DENND1A: variants seen among roughly 807,000 people sequenced by gnomAD.
DENND1A encodes the protein DENN domain-containing protein 1A.
A neutral mutation model predicts 113.7 loss-of-function variants in DENND1A; 51 were observed. The observed-to-expected ratio is 0.45, with a 90% CI of 0.36 to 0.57. The LOEUF (loss-of-function observed/expected upper bound fraction) is 0.57. Ranked by LOEUF, DENND1A falls within the 20% of genes least tolerant of loss-of-function variation. The pLI, the probability that DENND1A is intolerant of heterozygous loss-of-function variation, is 0.00. For synonymous variants in DENND1A, 565 were observed against 570.8 expected (o/e 0.99, Z 0.14); for missense variants, 1,258 against 1,395.9 (o/e 0.90, Z 1.57).
chr9:123,535,820 AT>A (rs1415974017), intron 13 of DENND1A, among the ~76,000 whole-genome samples: 6 of 151,948 alleles, frequency 3.9e-5, no homozygotes, highest in Non-Finnish European at 7.4e-5. Context: ...ATCTTCTTTT[AT>A]TTTTTGTTCA....
At chr9:123,773,434 T>C (rs1216683485) in intron 3 of DENND1A, among the ~76,000 whole-genome samples, 1 of 152,204 alleles carries the variant, frequency 6.6e-6, no homozygotes, top group Non-Finnish European at 1.5e-5. Flanking sequence ...CTGGAGAAAT[T>C]AGATTACATT....
In DENND1A at chr9:123,422,038, C is replaced by T. The variant is rs1157707980; in HGVS notation, c.1489-10209G>A. 6.6e-6 allele frequency among the ~76,000 whole-genome samples: 1 copy of T among 152,204 alleles called. No individual in the cohort carries two copies. Among genetic ancestry groups the T allele is most frequent in the Non-Finnish European group, 1.5e-5 (1 of 68,044 alleles). On this transcript the variant is annotated intron_variant, in intron 19 of 23. Transcript: ENST00000394215. This position sits in a 1 kb window ranked among gnomAD's most constrained non-coding sequence, Gnocchi z 4.8. ...TCCCTCACGACTCTGTTCCCTTCCCCCAGAAGTTCTCTCTCTATTCCTGGC... is the reference window on the plus strand; with the variant it reads ...TCCCTCACGACTCTGTTCCCTTCCCTCAGAAGTTCTCTCTCTATTCCTGGC...
At chr9:123,889,213 T>C (rs974869760) in intron 1 of DENND1A, among the ~76,000 whole-genome samples, 4 of 152,160 alleles carry the variant, frequency 2.6e-5, no homozygotes, top group Admixed American at 1.3e-4. Flanking sequence ...GTAGATCCCT[T>C]ACTTGTTATG....
rs560105251 is a variant in DENND1A, at chr9:123,841,469, T to A, written c.88+37482A>T. The stretch of plus-strand genomic sequence containing the variant: ...ATAAATATTCACTAAATCTTCTTAA[T>A]ATTGAGATCTGGTCATACAGTGGTG... On this transcript the variant is annotated intron_variant, in intron 2 of 23. Transcript: ENST00000394215. Among the ~76,000 whole-genome samples the A allele has an allele frequency of 3.9e-5, 6 of 152,326 alleles. No individual in the cohort carries two copies. The South Asian group carries it at 1.2e-3, about 32-fold the overall frequency.
At chr9:123,782,365 C>T (rs1831453893) in intron 3 of DENND1A, among the ~76,000 whole-genome samples, 1 of 152,206 alleles carries the variant, frequency 6.6e-6, no homozygotes, top group African/African-American at 2.4e-5. Flanking sequence ...ATAAACACAT[C>T]TGGTTAAGCC....
chr9:123,714,475 G>A (rs1009566476), intron 5 of DENND1A, among the ~76,000 whole-genome samples: 7 of 152,080 alleles, frequency 4.6e-5, no homozygotes, highest in East Asian at 1.9e-4. Flanking sequence ...GGTGGTGCAT[G>A]CCTGTAATCC....
intron 9 of DENND1A, among the ~76,000 whole-genome samples, chr9:123,643,626 C>T (rs1050535628): frequency 1.3e-5 from 2 of 152,242 alleles, no homozygotes; most frequent in African/African-American, 4.8e-5. Context: ...CAGTGAGTTA[C>T]AGAAGATACG....
chr9:123,671,223 G>T lies in DENND1A; in HGVS notation c.453+68C>A, dbSNP rs1271541223. The T allele has an allele frequency of 3.2e-6, 5 of 1,577,422 alleles. No individual in the cohort carries two copies. In the South Asian group the frequency reaches 4.4e-5, roughly 14 times the overall value. ...GGCTGACAAAATACAATCCTGTTCA[G>T]CTAGCTCCCTCTTACTGTCAATAAT... On this transcript the variant is annotated intron_variant, in intron 7 of 23. Coordinates refer to ENST00000394215, the MANE Select transcript of DENND1A (RefSeq NM_001352964.2).
At chr9:123,424,763 G>A (rs992288020) in intron 19 of DENND1A, among the ~76,000 whole-genome samples, 1 of 152,220 alleles carries the variant, frequency 6.6e-6, no homozygotes, top group African/African-American at 2.4e-5. Context: ...TCAGCTATCT[G>A]GGGATCATCA....
At chr9:123,457,760 G>A in intron 14 of DENND1A, 33 bp downstream of exon 14, 1 of 1,567,540 alleles carries the variant, frequency 6.4e-7, no homozygotes, top group Non-Finnish European at 8.7e-7. Context: ...CCGCCAGGGA[G>A]CCAGACCCAG....
chr9:123,563,236 T>C lies in DENND1A; in HGVS notation c.868-5541A>G, dbSNP rs770257034. ...CTTATACAACCACAAACTTACCACA[T>C]CCAGTAACACACACAGTATTGCCCC... is the stretch of plus-strand genomic sequence containing the variant. On this transcript the variant is annotated intron_variant, in intron 12 of 23. Coordinates refer to ENST00000394215, the MANE Select transcript of DENND1A (RefSeq NM_001352964.2). 1.3e-5 allele frequency among the ~76,000 whole-genome samples: 2 copies of C among 152,208 alleles called. 1 individual carries two copies. The highest frequency in any genetic ancestry group is 4.1e-4 in the South Asian group (2 of 4,824).
chr9:123,765,885 A>G (rs191160755), intron 4 of DENND1A, among the ~76,000 whole-genome samples: 1 of 152,226 alleles, frequency 6.6e-6, no homozygotes, highest in Non-Finnish European at 1.5e-5. Context: ...TTAGGAATAG[A>G]GTACCAGTGC....
chr9:123,925,894 T>C (rs1323352544), intron 1 of DENND1A, among the ~76,000 whole-genome samples: 1 of 152,196 alleles, frequency 6.6e-6, no homozygotes. Context: ...AATGTCACGT[T>C]TCTTCAAACT....
chr9:123,559,421 T>C (rs898938489), intron 12 of DENND1A, among the ~76,000 whole-genome samples: 8 of 152,178 alleles, frequency 5.3e-5, no homozygotes, highest in Admixed American at 5.2e-4. Context: ...GAAAATTAGA[T>C]TTAGGTGGTC....
chr9:123,395,468 C>CTCTCTCTCTGTGTGTGTGTGTGTG (rs367751848), intron 21 of DENND1A, among the ~76,000 whole-genome samples: 112 of 142,980 alleles, frequency 7.8e-4, no homozygotes, highest in African/African-American at 3.0e-3. Flanking sequence ...CTCTCTCTCT[C>CTCTCTCTCTGTGTGTGTGTGTGTG]TGTGTGTGTG....
intron 9 of DENND1A, among the ~76,000 whole-genome samples, chr9:123,640,685 G>A (rs2061982922): frequency 6.6e-6 from 1 of 152,240 alleles, no homozygotes; most frequent in African/African-American, 2.4e-5. Flanking sequence ...AGTGAATAGT[G>A]CGCCCAGTGC....
intron 5 of DENND1A, among the ~76,000 whole-genome samples, chr9:123,688,298 T>TAA (rs2064947482): frequency 6.6e-6 from 1 of 152,226 alleles, no homozygotes; most frequent in Non-Finnish European, 1.5e-5. Flanking sequence ...ATGGTTTCAG[T>TAA]AAAGTGTATG....
intron 13 of DENND1A, among the ~76,000 whole-genome samples, chr9:123,527,104 T>G (rs1241002937): frequency 6.6e-6 from 1 of 152,180 alleles, no homozygotes; most frequent in Non-Finnish European, 1.5e-5. Flanking sequence ...TCTCTCTCTT[T>G]TCTATTCACT....
rs533406864 is a variant in DENND1A at position 123,760,888 on chromosome 9, T to C, written c.183-3066A>G. Among the ~76,000 whole-genome samples, 6 of 152,300 alleles carry C rather than the reference T, an allele frequency of 3.9e-5. No homozygotes were observed. The South Asian group carries it at 1.2e-3, about 32-fold the overall frequency. On this transcript the variant is annotated intron_variant, in intron 4 of 23. Transcript: ENST00000394215. The stretch of plus-strand genomic sequence containing the variant: ...GATGATTCCAAGTTACAAATAAGGT[T>C]GTGCTTTTAAGAAACACTACTACGT...
Sources: allele counts gnomAD v4.1 joint callset (sites outside exome capture counted in the v4.1 genomes callset), GRCh38; gene constraint gnomAD v4.1.1; non-coding constraint Gnocchi (gnomAD v3.1); transcripts MANE v1.5; gene names NCBI Gene and HGNC (gene_info 2026-07-23, HGNC 2026-07-21).